Variants in EPHA6 observed in about 807,000 individuals in gnomAD.
EPHA6 encodes the protein ephrin type-A receptor 6.
Under a neutral mutation model 112.0 loss-of-function variants are expected in EPHA6, and 50 were observed. The observed-to-expected ratio is 0.45, with a 90% CI of 0.36 to 0.56. The LOEUF (loss-of-function observed/expected upper bound fraction) is 0.56, where lower values mean the gene tolerates loss of function less well. EPHA6 is among the 20% of genes least tolerant of loss of function. The probability of loss-of-function intolerance (pLI) is 0.00; values close to 1 mark genes in which losing one functional copy is unlikely to be tolerated. For missense variants in EPHA6, 1,280 were observed against 1,417.4 expected (o/e 0.90, Z 1.56); for synonymous variants, 529 against 490.7 (o/e 1.08, Z -1.03).
chr3:97,438,222 A>AC (rs1267976797), intron 6 of EPHA6, among the ~76,000 whole-genome samples: 3 of 152,198 alleles, frequency 2.0e-5, no homozygotes, highest in African/African-American at 4.8e-5. Flanking sequence ...CTACATGAAG[A>AC]CAGACGGGAA....
intron 3 of EPHA6, among the ~76,000 whole-genome samples, chr3:97,194,218 A>G (rs1379173074): frequency 6.6e-6 from 1 of 151,426 alleles, no homozygotes; most frequent in Non-Finnish European, 1.5e-5. Flanking sequence ...ATCAATCTCT[A>G]TCTTAGTAGT....
At chr3:97,105,190 C>T (rs929787024) in intron 3 of EPHA6, among the ~76,000 whole-genome samples, 2 of 151,668 alleles carry the variant, frequency 1.3e-5, no homozygotes, top group African/African-American at 2.4e-5. Context: ...TTGGTTTGCT[C>T]TTGCTTATCT....
At chr3:96,818,252 A>C (rs2032963306) in intron 1 of EPHA6, among the ~76,000 whole-genome samples, 3 of 152,022 alleles carry the variant, frequency 2.0e-5, no homozygotes, top group African/African-American at 7.2e-5. Context: ...AGTAGACACC[A>C]GGGATCCATT....
At chr3:97,008,950 G>T (rs2043983223) in intron 3 of EPHA6, among the ~76,000 whole-genome samples, 1 of 152,040 alleles carries the variant, frequency 6.6e-6, no homozygotes, top group Non-Finnish European at 1.5e-5. Flanking sequence ...TCGCCCCCCT[G>T]CCTGGAGATA....
chr3:96,952,298 C>T (rs1039754968), intron 2 of EPHA6, among the ~76,000 whole-genome samples: 3 of 152,140 alleles, frequency 2.0e-5, no homozygotes, highest in Admixed American at 6.5e-5. Context: ...CCCACTGAAA[C>T]TCATGTTGCA....
intron 5 of EPHA6, among the ~76,000 whole-genome samples, chr3:97,284,728 T>C (rs2080407405): frequency 6.6e-6 from 1 of 152,150 alleles, no homozygotes; most frequent in Admixed American, 6.6e-5. Flanking sequence ...TAATGATTCA[T>C]GACAGTTGCT....
intron 2 of EPHA6, among the ~76,000 whole-genome samples, chr3:96,868,160 G>A (rs536689422): frequency 3.9e-4 from 55 of 141,994 alleles, no homozygotes; most frequent in Non-Finnish European, 5.7e-4. Flanking sequence ...GTGTGTGTGC[G>A]TGTGTGTGTG....
At chr3:97,613,505 T>C (rs1483919898) in intron 13 of EPHA6, among the ~76,000 whole-genome samples, 1 of 152,150 alleles carries the variant, frequency 6.6e-6, no homozygotes, top group Admixed American at 6.6e-5. Context: ...CAAGATTACA[T>C]CTAGTGTCAG....
intron 1 of EPHA6, among the ~76,000 whole-genome samples, chr3:96,831,902 C>G (rs1227875878): frequency 6.6e-6 from 1 of 152,068 alleles, no homozygotes; most frequent in African/African-American, 2.4e-5. Context: ...AATTATTCAT[C>G]AGTCCCCTTG....
chr3:97,515,524 G>C (rs1193704040), intron 10 of EPHA6, among the ~76,000 whole-genome samples: 1 of 152,174 alleles, frequency 6.6e-6, no homozygotes, highest in African/African-American at 2.4e-5. Context: ...AGTGCATTAA[G>C]CAGAGCTAGT....
rs34541295 is a variant in EPHA6, at chr3:96,881,167, A to G, written c.450+14278A>G. Among the ~76,000 whole-genome samples the G allele has an allele frequency of 8.1e-3, 1,227 of 152,236 alleles. 6 individuals carry two copies. Among genetic ancestry groups the G allele is most frequent in the Non-Finnish European group, 0.013 (910 of 68,016 alleles). On this transcript the variant is annotated intron_variant, in intron 2 of 17. Transcript: ENST00000389672. ...TGTGTGAGGGTTCCAGTTCCTCCCT[A>G]TCCTCACCAATGCTTGTTATTTTCC...
chr3:97,016,453 T>G (rs2044269160), intron 3 of EPHA6, among the ~76,000 whole-genome samples: 1 of 152,112 alleles, frequency 6.6e-6, no homozygotes, highest in African/African-American at 2.4e-5. Context: ...ATATAAAAAG[T>G]TCTAATAATA....
chr3:96,845,122 A>G lies in EPHA6; in HGVS notation c.386-21703A>G, dbSNP rs530516486. On this transcript the variant is annotated intron_variant, in intron 1 of 17. Coordinates refer to ENST00000389672, the MANE Select transcript of EPHA6 (RefSeq NM_001080448.3). Reference sequence around the variant, plus strand: ...GATTAATGAGTTCTTTTTTTAAACGAGGAAAGAATGACTTTAGGAAAGCAG... The same window carrying G: ...GATTAATGAGTTCTTTTTTTAAACGGGGAAAGAATGACTTTAGGAAAGCAG... Among the ~76,000 whole-genome samples the G allele has an allele frequency of 2.0e-5, 3 of 152,112 alleles. No individual in the cohort carries two copies. The South Asian group carries it at 6.2e-4, about 32-fold the overall frequency.
At position 96,974,482 on chromosome 3, in the gene EPHA6, T is replaced by C. The variant is rs201614757; in HGVS notation, c.451-12848T>C. 2.2e-4 allele frequency among the ~76,000 whole-genome samples: 32 copies of C among 145,508 alleles called. 1 individual carries two copies. The East Asian group carries it at 3.4e-3, about 15-fold the overall frequency. On this transcript the variant is annotated intron_variant, in intron 2 of 17. Coordinates refer to ENST00000389672, the MANE Select transcript of EPHA6 (RefSeq NM_001080448.3). ...AAAATATCCCAGTTCCTCTGTCTCT[T>C]TTTTTTTTTAATTTATGTTTTTTAT... is the stretch of plus-strand genomic sequence containing the variant.
chr3:97,664,238 C>A (rs952916821), intron 14 of EPHA6, among the ~76,000 whole-genome samples: 1 of 152,140 alleles, frequency 6.6e-6, no homozygotes, highest in African/African-American at 2.4e-5. Context: ...GCTATTAGCC[C>A]TTTGTCAGAT....
intron 3 of EPHA6, among the ~76,000 whole-genome samples, chr3:97,113,709 C>G (rs1440244306): frequency 6.6e-6 from 1 of 152,080 alleles, no homozygotes; most frequent in African/African-American, 2.4e-5. Context: ...TTACTTCTCT[C>G]TCTCCCTCCT....
At chr3:97,525,004 G>A (rs890272985) in intron 10 of EPHA6, among the ~76,000 whole-genome samples, 5 of 151,916 alleles carry the variant, frequency 3.3e-5, no homozygotes, top group Non-Finnish European at 7.4e-5. Flanking sequence ...TCTTTCTTGG[G>A]GTCCTTTGAG....
At chr3:97,047,585 T>C (rs2045556500) in intron 3 of EPHA6, among the ~76,000 whole-genome samples, 1 of 151,540 alleles carries the variant, frequency 6.6e-6, no homozygotes, top group Non-Finnish European at 1.5e-5. Flanking sequence ...GTTTATATTA[T>C]GTGCCTGAAG....
chr3:97,208,161 T>C (rs1489235394), intron 3 of EPHA6, among the ~76,000 whole-genome samples: 2 of 152,156 alleles, frequency 1.3e-5, no homozygotes, highest in Non-Finnish European at 2.9e-5. Flanking sequence ...TTGTAATCCA[T>C]GAGAATCTGT....
Sources: gnomAD v4.1 joint callset for allele counts (sites outside exome capture counted in the v4.1 genomes callset) on GRCh38, gnomAD v4.1.1 for gene constraint, MANE v1.5 for transcripts, NCBI Gene and HGNC (gene_info 2026-07-23, HGNC 2026-07-21) for gene names.